Variants in RUNX1 observed in about 807,000 individuals in gnomAD.
The protein encoded by RUNX1 is runt-related transcription factor 1.
In RUNX1, 19 loss-of-function variants were observed where a neutral mutation model predicts 42.8. The ratio of observed to expected loss-of-function variants is 0.44; its 90% CI spans 0.31 to 0.65. The LOEUF is 0.65. Among genes scored for constraint, RUNX1 ranks in the 30% least tolerant of loss-of-function variants. RUNX1 has a pLI of 0.07. For synonymous variants in RUNX1, 271 were observed against 289.4 expected, an observed-to-expected ratio of 0.94 and a Z score of 0.64; for missense variants, 528 against 672.0, an observed-to-expected ratio of 0.79 and a Z score of 2.37.
At chr21:34,824,797 C>G (rs1265389258) in intron 7 of RUNX1, among the ~76,000 whole-genome samples, 1 of 152,064 alleles carries the variant, frequency 6.6e-6, no homozygotes, top group Non-Finnish European at 1.5e-5. Flanking sequence ...TTTAAAGAGC[C>G]CTAAAATAAC....
intron 7 of RUNX1, among the ~76,000 whole-genome samples, chr21:34,800,869 T>A (rs1182031562): frequency 6.6e-6 from 1 of 152,222 alleles, no homozygotes; most frequent in Non-Finnish European, 1.5e-5. Flanking sequence ...TAACTTGGAA[T>A]CTTTGAAATC....
At chr21:34,917,644 G>A (rs933487945) in intron 2 of RUNX1, among the ~76,000 whole-genome samples, 3 of 152,158 alleles carry the variant, frequency 2.0e-5, no homozygotes, top group Admixed American at 2.0e-4. Context: ...CAGATGGAAA[G>A]GTGGTCAGAC....
At chr21:34,930,528 T>C (rs1414909361) in intron 2 of RUNX1, among the ~76,000 whole-genome samples, 3 of 151,878 alleles carry the variant, frequency 2.0e-5, no homozygotes, top group Non-Finnish European at 4.4e-5. Context: ...AGAGGGGACA[T>C]GTGCTCAATG....
chr21:35,038,547 T>G (rs1427829644), intron 2 of RUNX1: 2 of 452,464 alleles, frequency 4.4e-6, no homozygotes, highest in Non-Finnish European at 8.8e-6. Context: ...ATGGATTCCC[T>G]AAGCATGGGA....
At position 34,887,035 on chromosome 21, in the gene RUNX1, G is replaced by A. The variant is rs2146413517; in HGVS notation, c.159C>T (p.Ser53=). Residue 53 remains serine (S), a synonymous_variant, in exon 4 of 9, where the codon AGC becomes AGT. Transcript: ENST00000675419. ...PSTALSPGKM[S]EALPLGAPDA... ...CCGGGGCGCCCAGCGGCAACGCCTC[G>A]CTCATCTTGCCTGGGCTCAGCGCGG... 1 of 1,601,268 alleles carries A rather than the reference G, an allele frequency of 6.2e-7. No homozygotes were observed. Among genetic ancestry groups the A allele is most frequent in the South Asian group, 1.1e-5 (1 of 91,004 alleles).
intron 2 of RUNX1, among the ~76,000 whole-genome samples, chr21:34,919,585 T>A (rs372915419): frequency 7.2e-5 from 11 of 152,318 alleles, no homozygotes; most frequent in South Asian, 4.1e-4. Flanking sequence ...ACCACATATT[T>A]GGCTCACACC....
intron 2 of RUNX1, among the ~76,000 whole-genome samples, chr21:34,955,620 C>T (rs554667035): frequency 6.6e-6 from 1 of 152,200 alleles, no homozygotes; most frequent in South Asian, 2.1e-4. Context: ...AACCTGAAAA[C>T]AGATGAAGGA....
At chr21:34,925,540 T>A (rs1186194584) in intron 2 of RUNX1, among the ~76,000 whole-genome samples, 1 of 152,134 alleles carries the variant, frequency 6.6e-6, no homozygotes, top group Non-Finnish European at 1.5e-5. Context: ...CCAAGGAGTG[T>A]CAAGGATTGC....
chr21:34,980,176 CTGAG>C (rs1178135221), intron 2 of RUNX1, among the ~76,000 whole-genome samples: 1 of 152,260 alleles, frequency 6.6e-6, no homozygotes, highest in African/African-American at 2.4e-5. Flanking sequence ...TGGAGCCCCA[CTGAG>C]TCTCAGTCTC....
At chr21:34,809,900 T>G in intron 7 of RUNX1, among the ~76,000 whole-genome samples, 1 of 152,094 alleles carries the variant, frequency 6.6e-6, no homozygotes. Context: ...AACCTATGAG[T>G]TGTCGATATT....
intron 2 of RUNX1, among the ~76,000 whole-genome samples, chr21:34,958,878 G>T (rs1355521187): frequency 1.7e-4 from 25 of 151,158 alleles, no homozygotes; most frequent in African/African-American, 5.1e-4. Flanking sequence ...CCATAAAAAA[G>T]GATGAGTTCA....
chr21:34,822,861 C>T (rs1335649397), intron 7 of RUNX1, among the ~76,000 whole-genome samples: 2 of 152,194 alleles, frequency 1.3e-5, no homozygotes, highest in African/African-American at 2.4e-5. Context: ...CCACCATGTT[C>T]GTGTCCCTCA....
chr21:34,925,217 A>G (rs951170004), intron 2 of RUNX1, among the ~76,000 whole-genome samples: 6 of 152,354 alleles, frequency 3.9e-5, no homozygotes, highest in African/African-American at 1.2e-4. Flanking sequence ...ATCTGAAAAC[A>G]TAATTATACA....
chr21:34,851,789 G>A (rs2057422677), intron 6 of RUNX1, among the ~76,000 whole-genome samples: 1 of 152,202 alleles, frequency 6.6e-6, no homozygotes, highest in Admixed American at 6.5e-5. Flanking sequence ...AAGGTGCCTA[G>A]ATCATCTCTT....
intron 7 of RUNX1, among the ~76,000 whole-genome samples, chr21:34,822,263 T>A: frequency 6.6e-6 from 1 of 152,182 alleles, no homozygotes; most frequent in Non-Finnish European, 1.5e-5. Flanking sequence ...GGCAGGACCT[T>A]CCGGGCAATG....
chr21:34,819,746 C>T (rs376839845), intron 7 of RUNX1, among the ~76,000 whole-genome samples: 1 of 152,222 alleles, frequency 6.6e-6, no homozygotes, highest in Non-Finnish European at 1.5e-5. Flanking sequence ...ATGACAGGAC[C>T]ATCAGTCAGC....
In RUNX1 at chr21:34,843,680, C is replaced by G. The variant is rs1433013989; in HGVS notation, c.614-9079G>C. On this transcript the variant is annotated intron_variant, in intron 6 of 8. Coordinates refer to ENST00000675419, the MANE Select transcript of RUNX1 (RefSeq NM_001754.5). The surrounding 1 kb of genome is among the most constrained non-coding windows in gnomAD (Gnocchi z 4.8). ...CGCACACAGGCCTGCCCCTCCCCAG[C>G]CCCCCTGCACCATGCGCCCAAGACT... 1.3e-5 allele frequency among the ~76,000 whole-genome samples: 2 copies of G among 152,036 alleles called. No homozygotes were observed. Among genetic ancestry groups the G allele is most frequent in the Non-Finnish European group, 2.9e-5 (2 of 67,990 alleles).
At chr21:34,987,414 G>A (rs762428372) in intron 2 of RUNX1, among the ~76,000 whole-genome samples, 1 of 152,136 alleles carries the variant, frequency 6.6e-6, no homozygotes, top group Non-Finnish European at 1.5e-5. Flanking sequence ...GTCCCCAGGC[G>A]CCCAGCTTCT....
intron 2 of RUNX1, among the ~76,000 whole-genome samples, chr21:35,047,233 T>G (rs895686232): frequency 1.3e-5 from 2 of 152,152 alleles, no homozygotes; most frequent in Non-Finnish European, 2.9e-5. Flanking sequence ...CTTTTTTTTC[T>G]GTTATTCTAT....
Sources: allele counts gnomAD v4.1 joint callset (sites outside exome capture counted in the v4.1 genomes callset), GRCh38; gene constraint gnomAD v4.1.1; non-coding constraint Gnocchi (gnomAD v3.1); transcripts MANE v1.5; gene names NCBI Gene and HGNC (gene_info 2026-07-23, HGNC 2026-07-21).